The following OR51B5 variants were observed in gnomAD, a reference collection of about 807,000 sequenced individuals.
The protein encoded by OR51B5 is olfactory receptor 51B5.
For synonymous variants in OR51B5, 186 were observed against 144.8 expected (o/e 1.28, Z -2.04); for missense variants, 456 against 374.6 (o/e 1.22, Z -1.79).
intron 1 of OR51B5, among the ~76,000 whole-genome samples, chr11:5,478,236 C>A (rs567674263): frequency 6.6e-6 from 1 of 152,020 alleles, no homozygotes; most frequent in Non-Finnish European, 1.5e-5. Flanking sequence ...GGGAGGCACC[C>A]CCCAGCAGGG....
At chr11:5,438,362 C>CA (rs1491275319) in intron 1 of OR51B5, among the ~76,000 whole-genome samples, 9 of 125,694 alleles carry the variant, frequency 7.2e-5, no homozygotes, top group East Asian at 2.4e-4. Context: ...AACACCCCCC[C>CA]CCAGTTATCC....
At chr11:5,465,062 CG>C (rs1481537939) in intron 1 of OR51B5, among the ~76,000 whole-genome samples, 1 of 151,530 alleles carries the variant, frequency 6.6e-6, no homozygotes, top group Non-Finnish European at 1.5e-5. Flanking sequence ...GAAAATTGTC[CG>C]GGCGTAGTGG....
At position 5,375,580 on chromosome 11, in the gene OR51B5, C is replaced by A. The variant is rs148870586; in HGVS notation, n.85-28670G>T. Among the ~76,000 whole-genome samples, 445 of 152,216 alleles carry A rather than the reference C, an allele frequency of 2.9e-3. 1 individual carries two copies. Among genetic ancestry groups the A allele is most frequent in the African/African-American group, 0.01 (421 of 41,524 alleles). ...TCAGGAAACCCATCTCATGTGCACA[C>A]ACACACATAGGCTCAAAATAAAAGG... On this transcript the variant is annotated intron_variant and non_coding_transcript_variant, in intron 1 of 4. Coordinates refer to the OR51B5 transcript ENST00000415970.
chr11:5,398,437 G>T (rs1354902417), intron 1 of OR51B5, among the ~76,000 whole-genome samples: 1 of 152,038 alleles, frequency 6.6e-6, no homozygotes, highest in Non-Finnish European at 1.5e-5. Flanking sequence ...TTCAAAAAAT[G>T]GGCAGCATTC....
chr11:5,445,788 T>C (rs886948044), intron 1 of OR51B5, among the ~76,000 whole-genome samples: 1 of 151,748 alleles, frequency 6.6e-6, no homozygotes, highest in African/African-American at 2.4e-5. Context: ...CAAATAATAA[T>C]ATAACTGCTG....
intron 1 of OR51B5, among the ~76,000 whole-genome samples, chr11:5,461,270 G>A (rs1356586539): frequency 6.6e-6 from 1 of 152,144 alleles, no homozygotes. Flanking sequence ...GGGTGGAGGC[G>A]AGGCGCGCCG....
intron 1 of OR51B5, among the ~76,000 whole-genome samples, chr11:5,418,985 C>A (rs916899146): frequency 6.6e-6 from 1 of 150,798 alleles, no homozygotes; most frequent in African/African-American, 2.4e-5. Flanking sequence ...CTGATTATTT[C>A]TTGAGGCATG....
chr11:5,457,542 A>G (rs375287125), intron 1 of OR51B5, among the ~76,000 whole-genome samples: 11 of 152,218 alleles, frequency 7.2e-5, no homozygotes, highest in East Asian at 3.8e-4. Flanking sequence ...AGAAATATCC[A>G]AACTTCTTTC....
At chr11:5,504,588 C>T (rs1444595268) in intron 1 of OR51B5, among the ~76,000 whole-genome samples, 1 of 152,158 alleles carries the variant, frequency 6.6e-6, no homozygotes, top group African/African-American at 2.4e-5. Context: ...CTGCAGGGAC[C>T]TCCTCCCCCT....
chr11:5,448,390 G>A (rs1452981554), intron 1 of OR51B5, among the ~76,000 whole-genome samples: 1 of 152,114 alleles, frequency 6.6e-6, no homozygotes, highest in Non-Finnish European at 1.5e-5. Context: ...TTTAAGGAGA[G>A]ACTATTGTTG....
chr11:5,408,837 T>G (rs1267970138), intron 1 of OR51B5, among the ~76,000 whole-genome samples: 1 of 152,182 alleles, frequency 6.6e-6, no homozygotes, highest in Non-Finnish European at 1.5e-5. Flanking sequence ...AAATTTCCCC[T>G]ACTTCCTGAA....
At chr11:5,364,988 G>A (rs1849343901) in intron 1 of OR51B5, among the ~76,000 whole-genome samples, 1 of 152,184 alleles carries the variant, frequency 6.6e-6, no homozygotes, top group Non-Finnish European at 1.5e-5. Flanking sequence ...AAGGCTACAA[G>A]GGGATTTCTC....
intron 1 of OR51B5, among the ~76,000 whole-genome samples, chr11:5,365,129 A>G (rs1049479589): frequency 1.4e-4 from 21 of 152,352 alleles, no homozygotes; most frequent in Middle Eastern, 3.4e-3. Flanking sequence ...GCTTATCACA[A>G]CTGCTAAATA....
In OR51B5 at chr11:5,361,386, C is replaced by G. The variant is rs138272944; in HGVS notation, n.85-14476G>C. 6.9e-3 allele frequency among the ~76,000 whole-genome samples: 1,048 copies of G among 152,236 alleles called. 8 individuals are homozygous for G. Among genetic ancestry groups the G allele is most frequent in the African/African-American group, 0.024 (1,004 of 41,530 alleles). On this transcript the variant is annotated intron_variant and non_coding_transcript_variant, in intron 1 of 4. Transcript: ENST00000415970. ...GGGAGGAGTTTCTGAAACTAATTTT[C>G]TTTGCAGCTTGGCTTCTGAGTATAG...
chr11:5,427,313 G>A (rs11037417), intron 1 of OR51B5, among the ~76,000 whole-genome samples: 36,350 of 152,168 alleles, frequency 0.24, 4,510 homozygotes, highest in East Asian at 0.43. Flanking sequence ...ATGAAAGTGA[G>A]GCGTTCTCCC....
upstream of OR51B5, among the ~76,000 whole-genome samples, chr11:5,344,407 G>A (rs202075971): frequency 9.3e-6 from 1 of 107,976 alleles, no homozygotes; most frequent in Non-Finnish European, 2.3e-5. Flanking sequence ...CTCATTTCAA[G>A]TTCTCCATTT....
In OR51B5 at chr11:5,351,968, T is replaced by G. The variant is rs1452854160; in HGVS notation, n.85-5058A>C. 1.9e-6 allele frequency: 3 copies of G among 1,613,212 alleles called. No individual in the cohort carries two copies. In the South Asian group the frequency reaches 3.3e-5, roughly 18 times the overall value. On this transcript the variant is annotated intron_variant and non_coding_transcript_variant, in intron 1 of 4. Coordinates refer to the OR51B5 transcript ENST00000415970. ...GTATTGACAAGGGCTGGTCTGTCCA[T>G]TATGCCAATAGTTGTTCGCCTACAC...
chr11:5,468,734 G>A (rs1353350997), intron 1 of OR51B5: 1 of 456,442 alleles, frequency 2.2e-6, no homozygotes, highest in African/African-American at 2.0e-5. Context: ...GGAGGCAATG[G>A]CCAGCACAGA....
At chr11:5,430,791 A>C (rs1218292032) in intron 1 of OR51B5, 6 of 457,252 alleles carry the variant, frequency 1.3e-5, no homozygotes, top group Non-Finnish European at 2.6e-5. Flanking sequence ...GGACAATGGG[A>C]GAAGCATGTT....
Sources: allele counts gnomAD v4.1 joint callset (sites outside exome capture counted in the v4.1 genomes callset), GRCh38; gene constraint gnomAD v4.1.1; transcripts MANE v1.5; gene names NCBI Gene and HGNC (gene_info 2026-07-23, HGNC 2026-07-21).